UNC13C: variants seen among roughly 807,000 people sequenced by gnomAD.
UNC13C encodes unc-13 homolog C.
UNC13C carries 174 observed loss-of-function variants against 245.4 expected under a neutral mutation model. The ratio of observed to expected loss-of-function variants is 0.71; its 90% CI spans 0.63 to 0.80. The LOEUF is 0.80. Ranked by LOEUF, UNC13C falls within the 30% of genes least tolerant of loss-of-function variation. The pLI, the probability that UNC13C is intolerant of heterozygous loss-of-function variation, is 0.00. For missense variants in UNC13C, 2,829 were observed against 2,602.9 expected, an observed-to-expected ratio of 1.09 and a Z score of -1.89; for synonymous variants, 992 against 895.1, an observed-to-expected ratio of 1.11 and a Z score of -1.93.
the UNC13C span, among the ~76,000 whole-genome samples, chr15:53,961,199 A>T: frequency 6.6e-6 from 1 of 152,228 alleles, no homozygotes; most frequent in Non-Finnish European, 1.5e-5. Flanking sequence ...AGCATGGCCC[A>T]GCAGGGGGAT....
intron 27 of UNC13C, among the ~76,000 whole-genome samples, chr15:54,547,168 T>C (rs1318423815): frequency 2.6e-5 from 4 of 152,244 alleles, no homozygotes; most frequent in Non-Finnish European, 4.4e-5. Flanking sequence ...AGAATTAAGA[T>C]ACAATGTATC....
the UNC13C span, among the ~76,000 whole-genome samples, chr15:53,849,851 A>G: frequency 6.6e-6 from 1 of 152,222 alleles, no homozygotes; most frequent in Non-Finnish European, 1.5e-5. Flanking sequence ...TAAAAGGCCA[A>G]GAAGAATAAG....
chr15:54,555,353 T>A lies in UNC13C; in HGVS notation c.5878-79T>A, dbSNP rs1897043208. On this transcript the variant is annotated intron_variant, in intron 28 of 32. Transcript: ENST00000260323. ...AAATAGGAAGTTTGGCATATGGGGA[T>A]AATACAGATTATGTTTTCAAGTAGT... The A allele has an allele frequency of 3.6e-6, 4 of 1,121,778 alleles. No homozygotes were observed. In the East Asian group the frequency reaches 9.8e-5, roughly 27 times the overall value. 69.5% of individuals were successfully genotyped at this position (1,121,778 alleles called of 1,614,324 possible). A position where few individuals can be genotyped will look rare whatever the true frequency, so the allele number is the denominator to read the frequency against.
intron 19 of UNC13C, among the ~76,000 whole-genome samples, chr15:54,447,746 T>A (rs1265233987): frequency 2.6e-5 from 4 of 152,212 alleles, no homozygotes; most frequent in African/African-American, 9.6e-5. Flanking sequence ...CCTGATTTTT[T>A]GAAGGGTTTT....
At chr15:54,224,414 T>C (rs1169943320) in intron 4 of UNC13C, among the ~76,000 whole-genome samples, 9 of 152,160 alleles carry the variant, frequency 5.9e-5, no homozygotes, top group Admixed American at 3.9e-4. Context: ...CTTTATTCTG[T>C]TGATGTGATG....
intron 19 of UNC13C, among the ~76,000 whole-genome samples, chr15:54,464,561 T>C (rs1892064098): frequency 6.6e-6 from 1 of 152,142 alleles, no homozygotes; most frequent in Admixed American, 6.5e-5. Flanking sequence ...ATGAGTTAAA[T>C]GTATTTTTGA....
chr15:53,928,540 A>T, the UNC13C span, among the ~76,000 whole-genome samples: 2 of 152,088 alleles, frequency 1.3e-5, no homozygotes, highest in African/African-American at 4.8e-5. Flanking sequence ...GGGCCAGTTT[A>T]TGGCCAGATT....
chr15:54,179,090 A>C (rs990243589), intron 4 of UNC13C, among the ~76,000 whole-genome samples: 1 of 152,176 alleles, frequency 6.6e-6, no homozygotes, highest in African/African-American at 2.4e-5. Context: ...CAACCCAGCC[A>C]ATTATTCACT....
At chr15:54,306,458 G>A (rs879382771) in intron 13 of UNC13C, among the ~76,000 whole-genome samples, 3 of 151,962 alleles carry the variant, frequency 2.0e-5, no homozygotes, top group African/African-American at 4.8e-5. Flanking sequence ...CATGGGGTGA[G>A]GCATAGAACT....
At chr15:54,268,451 G>A (rs1396584178) in intron 10 of UNC13C, among the ~76,000 whole-genome samples, 4 of 152,006 alleles carry the variant, frequency 2.6e-5, no homozygotes, top group Admixed American at 1.3e-4. Flanking sequence ...TCCTCATTAT[G>A]CATTACATTT....
At chr15:54,194,678 T>C (rs2034294237) in intron 4 of UNC13C, among the ~76,000 whole-genome samples, 1 of 152,024 alleles carries the variant, frequency 6.6e-6, no homozygotes, top group Non-Finnish European at 1.5e-5. Context: ...GAAGTAGGAC[T>C]CAGGAGTGGA....
intron 21 of UNC13C, among the ~76,000 whole-genome samples, chr15:54,500,533 A>G (rs1352947172): frequency 6.6e-6 from 1 of 152,016 alleles, no homozygotes; most frequent in African/African-American, 2.4e-5. Context: ...AGCTCCCAAA[A>G]TCGTGAGCCA....
Position 54,013,300 on chromosome 15 carries a change from G to A in UNC13C, c.397G>A (p.Glu133Lys), listed in dbSNP as rs1324655302. 1.2e-6 allele frequency: 2 copies of A among 1,613,780 alleles called. No individual in the cohort carries two copies. Among genetic ancestry groups the A allele is most frequent in the Admixed American group, 3.3e-5 (2 of 59,918 alleles). ...GAGTTCCTACTCAGAATCATTAAATGAACTAAGGAGTAGCACAGAAAACCA... is the reference window on the plus strand; with the variant it reads ...GAGTTCCTACTCAGAATCATTAAATAAACTAAGGAGTAGCACAGAAAACCA... ...IESSYSESLN[E>K]LRSSTENQAQ... The change falls in exon 2 of 33, where the codon GAA becomes AAA. Residue 133 changes from glutamate to lysine, a missense_variant. Physicochemically the swap from Glu to Lys is moderately conservative, Grantham distance 56. Coordinates refer to ENST00000260323, the MANE Select transcript of UNC13C (RefSeq NM_001080534.3).
intron 17 of UNC13C, among the ~76,000 whole-genome samples, chr15:54,371,314 C>T (rs149119712): frequency 1.3e-5 from 2 of 152,136 alleles, no homozygotes; most frequent in East Asian, 1.9e-4. Flanking sequence ...TTTCATTTAA[C>T]GTAACTGGAA....
At chr15:54,266,308 A>G (rs1449893395) in intron 10 of UNC13C, among the ~76,000 whole-genome samples, 2 of 152,006 alleles carry the variant, frequency 1.3e-5, no homozygotes, top group Non-Finnish European at 2.9e-5. Context: ...TGGAAAATCA[A>G]TTGGAACCAA....
At chr15:53,939,135 A>G in the UNC13C span, among the ~76,000 whole-genome samples, 3 of 152,170 alleles carry the variant, frequency 2.0e-5, no homozygotes, top group Admixed American at 2.0e-4. Context: ...TCAAACAGAT[A>G]CAATCAGATA....
At chr15:54,072,906 A>G (rs1898399720) in intron 2 of UNC13C, among the ~76,000 whole-genome samples, 1 of 152,182 alleles carries the variant, frequency 6.6e-6, no homozygotes, top group African/African-American at 2.4e-5. Context: ...TTATAGTTTA[A>G]GTACTGAGGT....
chr15:54,212,479 T>C lies in UNC13C; in HGVS notation c.3072-22551T>C, dbSNP rs1201285624. Among the ~76,000 whole-genome samples, 5 of 152,144 alleles carry C rather than the reference T, an allele frequency of 3.3e-5. No homozygotes were observed. In the East Asian group the frequency reaches 9.7e-4, roughly 30 times the overall value. ...ATATTGAAAAATGACTGTTAAATTA[T>C]GTACACAATACCGTGCTCCTTGTGG... On this transcript the variant is annotated intron_variant, in intron 4 of 32. Coordinates refer to ENST00000260323, the MANE Select transcript of UNC13C (RefSeq NM_001080534.3).
the UNC13C span, among the ~76,000 whole-genome samples, chr15:53,939,672 G>A: frequency 6.6e-6 from 1 of 152,148 alleles, no homozygotes; most frequent in African/African-American, 2.4e-5. Context: ...GGGATGCAAG[G>A]TTGGTTCAAC....
Sources: allele counts gnomAD v4.1 joint callset (sites outside exome capture counted in the v4.1 genomes callset), GRCh38; gene constraint gnomAD v4.1.1; transcripts MANE v1.5; gene names NCBI Gene and HGNC (gene_info 2026-07-23, HGNC 2026-07-21).